Variants in ZNF211 observed in about 807,000 individuals in gnomAD.
ZNF211 encodes zinc finger protein 211, also known as zinc finger protein C2H2-25.
A neutral mutation model predicts 12.1 loss-of-function variants in ZNF211; 18 were observed. The ratio of observed to expected loss-of-function variants is 1.48; its 90% CI spans 1.03 to 2.20. ZNF211 has a LOEUF of 2.20. Among genes scored for constraint, ZNF211 ranks in the 30% most tolerant of loss-of-function variants. The probability of loss-of-function intolerance (pLI) is 0.00; values close to 1 mark genes in which losing one functional copy is unlikely to be tolerated. For missense variants in ZNF211, 677 were observed against 703.1 expected, an observed-to-expected ratio of 0.96 and a Z score of 0.42; for synonymous variants, 249 against 246.0, an observed-to-expected ratio of 1.01 and a Z score of -0.11.
chr19:57,635,324 A>G (rs2360541), intron 3 of ZNF211, among the ~76,000 whole-genome samples: 27,509 of 152,176 alleles, frequency 0.18, 2,657 homozygotes, highest in East Asian at 0.32. Flanking sequence ...CATTCGCATT[A>G]TTGTGCAACC....
intron 3 of ZNF211, chr19:57,634,959 G>C (rs1981949375): frequency 1.0e-6 from 1 of 985,262 alleles, no homozygotes; most frequent in South Asian, 4.7e-5. Flanking sequence ...GGGATCAGTA[G>C]TCTTACAGTA....
In ZNF211 at chr19:57,634,663, TCTC is replaced by T. The variant is rs1166278999; in HGVS notation, c.167_169del (p.Ser56del). ...ACCTTTGAAGATGTGGCCGTGTACT[TCTC>T]CTGGGAGGAATGGGATCTCCTTGAT... is the stretch of plus-strand genomic sequence containing the variant. On this transcript the variant is annotated inframe_deletion, in exon 3 of 4. Coordinates refer to ENST00000240731, the MANE Select transcript of ZNF211 (RefSeq NM_006385.5). 4 of 1,602,652 alleles carry T rather than the reference TCTC, an allele frequency of 2.5e-6. No homozygotes were observed. Among genetic ancestry groups the T allele is most frequent in the African/African-American group, 2.7e-5 (2 of 74,268 alleles).
chr19:57,633,843 G>A (rs758254321), intron 1 of ZNF211, 180 bp from the exon 2 acceptor site: 3 of 1,598,046 alleles, frequency 1.9e-6, no homozygotes, highest in Admixed American at 1.7e-5. Flanking sequence ...GCAGAGGGAG[G>A]TTGAATATTT....
At chr19:57,636,203 G>A (rs1022716248) in intron 3 of ZNF211, among the ~76,000 whole-genome samples, 1 of 152,116 alleles carries the variant, frequency 6.6e-6, no homozygotes, top group Non-Finnish European at 1.5e-5. Context: ...TACGTTTTTA[G>A]TGTGTTGATA....
At chr19:57,638,190 C>T (rs1236250887) in intron 3 of ZNF211, among the ~76,000 whole-genome samples, 2 of 152,142 alleles carry the variant, frequency 1.3e-5, no homozygotes, top group South Asian at 2.1e-4. Context: ...TGAGCCACTG[C>T]ACCCGGCCAG....
At chr19:57,634,144 T>A (rs1285583272) in intron 2 of ZNF211, 83 bp downstream of exon 2, 3 of 1,432,300 alleles carry the variant, frequency 2.1e-6, no homozygotes, top group Non-Finnish European at 2.8e-6. Flanking sequence ...AGATTTGTGG[T>A]GTCATGGGAC....
In ZNF211 at chr19:57,641,869, C is replaced by G. The variant is rs767053585; in HGVS notation, c.1422C>G (p.Ser474=). 3.1e-6 allele frequency: 5 copies of G among 1,613,680 alleles called. No individual in the cohort carries two copies. The East Asian group carries it at 1.1e-4, about 36-fold the overall frequency. The part of the protein sequence containing the change: ...RPYVCGECGK[S]FSHSSNLKNH... ...ATGTGTGTGGGGAATGTGGGAAATC[C>G]TTTAGCCATAGCTCCAACCTTAAGA... The change falls in exon 4 of 4, where the codon TCC becomes TCG. Residue 474 remains serine (S), a synonymous_variant. Transcript: ENST00000240731.
In ZNF211 at chr19:57,634,772, C is replaced by T. The variant is rs1981925815; in HGVS notation, c.256+17C>T. ...CCTCCCTGGGTAAGGCCCTCATACT[C>T]ACCCTTGTGCCCTGGACTAGGCTCT... On this transcript the variant is annotated intron_variant, in intron 3 of 3. Coordinates refer to ENST00000240731, the MANE Select transcript of ZNF211 (RefSeq NM_006385.5). 1.3e-6 allele frequency: 2 copies of T among 1,556,612 alleles called. No homozygotes were observed. The highest frequency in any genetic ancestry group is 2.8e-5 in the African/African-American group (2 of 72,704).
At chr19:57,636,387 T>C (rs946810743) in intron 3 of ZNF211, among the ~76,000 whole-genome samples, 3 of 152,114 alleles carry the variant, frequency 2.0e-5, no homozygotes, top group African/African-American at 7.2e-5. Context: ...AGATCTTTGA[T>C]CTGTTTTGAA....
At chr19:57,635,199 C>T (rs1437583343) in intron 3 of ZNF211, among the ~76,000 whole-genome samples, 1 of 152,222 alleles carries the variant, frequency 6.6e-6, no homozygotes, top group Non-Finnish European at 1.5e-5. Flanking sequence ...ATTACACAGA[C>T]TGTTCTTATA....
chr19:57,640,697 C>T lies in ZNF211; in HGVS notation c.257-7C>T. 1 of 1,612,040 alleles carries T rather than the reference C, an allele frequency of 6.2e-7. No individual in the cohort carries two copies. Among genetic ancestry groups the T allele is most frequent in the South Asian group, 1.1e-5 (1 of 90,982 alleles). ...CATGTACTTCACCATGATCTCTTTA[C>T]TTTTAGGTTGTTGGTGTGGAGTGGA... On this transcript the variant is annotated splice_polypyrimidine_tract_variant and splice_region_variant and intron_variant, in intron 3 of 3. Transcript: ENST00000240731.
chr19:57,640,126 C>G lies in ZNF211; in HGVS notation c.257-578C>G, dbSNP rs1446944159. ...GTTTGACTTGTCTTGATGCCATTGCCAGAGACACTTCACTTCGACCTTCCC... is the reference window on the plus strand; with the variant it reads ...GTTTGACTTGTCTTGATGCCATTGCGAGAGACACTTCACTTCGACCTTCCC... On this transcript the variant is annotated intron_variant, in intron 3 of 3. Transcript: ENST00000240731. The G allele has an allele frequency of 2.0e-6, 3 of 1,485,394 alleles. No individual in the cohort carries two copies. In the African/African-American group the frequency reaches 4.2e-5, roughly 21 times the overall value. 92.0% of individuals were successfully genotyped at this position (1,485,394 alleles called of 1,614,324 possible). A position where few individuals can be genotyped will look rare whatever the true frequency, so the allele number is the denominator to read the frequency against.
chr19:57,634,286 G>A lies in ZNF211; in HGVS notation c.129+225G>A. 3 of 510,312 alleles carry A rather than the reference G, an allele frequency of 5.9e-6. 1 individual carries two copies. In the East Asian group the frequency reaches 9.5e-5, roughly 16 times the overall value. The allele number at this position is 510,312 out of a possible 1,614,324, so 31.6% of individuals were successfully genotyped here. The stretch of plus-strand genomic sequence containing the variant: ...TGGGTGAAAATTTATGATAGAAACA[G>A]GTAGGTACCAGCTTTTGGAACTCCT... On this transcript the variant is annotated intron_variant, in intron 2 of 3. Transcript: ENST00000240731.
Position 57,633,306 on chromosome 19 carries a change from T to C in ZNF211, c.-41T>C. 6 of 1,507,946 alleles carry C rather than the reference T, an allele frequency of 4.0e-6. No individual in the cohort carries two copies. The South Asian group carries it at 7.6e-5, about 19-fold the overall frequency. The allele number at this position is 1,507,946 out of a possible 1,614,324, so 93.4% of individuals were successfully genotyped here. On this transcript the variant is annotated 5_prime_UTR_variant, in exon 1 of 4. Coordinates refer to ENST00000240731, the MANE Select transcript of ZNF211 (RefSeq NM_006385.5). ...AAGGCGCGAGAGTCAGGTCTGAGGG[T>C]CGGGGGCAGAGCCGCCCGCGAGGCC... is the stretch of plus-strand genomic sequence containing the variant.
At chr19:57,633,803 A>G in intron 1 of ZNF211, 1 of 1,563,614 alleles carries the variant, frequency 6.4e-7, no homozygotes. Flanking sequence ...AGTGGAAGAA[A>G]AGACTTTAGA....
intron 1 of ZNF211, 94 bp from the exon 2 acceptor site, chr19:57,633,929 C>T (rs1981791885): frequency 6.2e-7 from 1 of 1,607,766 alleles, no homozygotes. Context: ...CCCAAAGTTA[C>T]GTGGCTCTGG....
In ZNF211 at chr19:57,634,682, T is replaced by G. The variant is rs747374919; in HGVS notation, c.183T>G (p.Asp61Glu). ...TGTACTTCTCCTGGGAGGAATGGGATCTCCTTGATGAGGCTCAGAAACACC... is the reference window on the plus strand; with the variant it reads ...TGTACTTCTCCTGGGAGGAATGGGAGCTCCTTGATGAGGCTCAGAAACACC... ...VAVYFSWEEWDLLDEAQKHLY... is the reference protein window; with the variant it reads ...VAVYFSWEEWELLDEAQKHLY... The change falls in exon 3 of 4, where the codon GAT becomes GAG. Residue 61 changes from aspartate to glutamate, a missense_variant. Physicochemically the swap from Asp to Glu is conservative, Grantham distance 45 (BLOSUM62 2). Coordinates refer to ENST00000240731, the MANE Select transcript of ZNF211 (RefSeq NM_006385.5). The G allele has an allele frequency of 1.9e-6, 3 of 1,606,122 alleles. No individual in the cohort carries two copies. The highest frequency in any genetic ancestry group is 2.6e-6 in the Non-Finnish European group (3 of 1,175,636).
rs1982848710 is a variant in ZNF211, at chr19:57,641,111, G to C, written c.664G>C (p.Gly222Arg). 1 of 1,614,072 alleles carries C rather than the reference G, an allele frequency of 6.2e-7. No homozygotes were observed. Among genetic ancestry groups the C allele is most frequent in the Non-Finnish European group, 8.5e-7 (1 of 1,180,048 alleles). The change falls in exon 4 of 4, where the codon GGG (glycine) becomes CGG (arginine). Residue 222 changes from glycine (G) to arginine (R), a missense_variant. Transcript: ENST00000240731. ...RFLHQDATQT[G>R]EKPNNSNKCA... ...TCTCCATCAAGACGCCACTCAAACA[G>C]GGGAGAAGCCAAATAACAGTAACAA...
At position 57,639,262 on chromosome 19, in the gene ZNF211, A is replaced by G. The variant is rs1318484404; in HGVS notation, c.257-1442A>G. 4.0e-5 allele frequency among the ~76,000 whole-genome samples: 6 copies of G among 149,274 alleles called. No individual in the cohort carries two copies. In the Admixed American group the frequency reaches 4.0e-4, roughly 10 times the overall value. Reference sequence around the variant, plus strand: ...CACTGATAAGGAAGGGCAGACTTCTATCATTTTGCTCTTTGTTTTCCCCAT... The same window carrying G: ...CACTGATAAGGAAGGGCAGACTTCTGTCATTTTGCTCTTTGTTTTCCCCAT... On this transcript the variant is annotated intron_variant, in intron 3 of 3. Coordinates refer to ENST00000240731, the MANE Select transcript of ZNF211 (RefSeq NM_006385.5).
Sources: allele counts gnomAD v4.1 joint callset (sites outside exome capture counted in the v4.1 genomes callset), GRCh38; gene constraint gnomAD v4.1.1; transcripts MANE v1.5; gene names NCBI Gene and HGNC (gene_info 2026-07-23, HGNC 2026-07-21).